ASIC2: variants seen among roughly 807,000 people sequenced by gnomAD.
The protein encoded by ASIC2 is acid sensing ion channel subunit 2.
A neutral mutation model predicts 57.3 loss-of-function variants in ASIC2; 25 were observed. The ratio of observed to expected loss-of-function variants is 0.44; its 90% CI spans 0.32 to 0.61. The LOEUF (loss-of-function observed/expected upper bound fraction) is 0.61. Among genes scored for constraint, ASIC2 ranks in the 20% least tolerant of loss-of-function variants. The pLI is 0.06. For synonymous variants in ASIC2, 319 were observed against 307.5 expected, an observed-to-expected ratio of 1.04 and a Z score of -0.39; for missense variants, 641 against 738.1, an observed-to-expected ratio of 0.87 and a Z score of 1.52.
At chr17:33,740,432 CA>C in intron 1 of ASIC2, among the ~76,000 whole-genome samples, 1 of 152,038 alleles carries the variant, frequency 6.6e-6, no homozygotes, top group Non-Finnish European at 1.5e-5. Flanking sequence ...AAGTGCTGAG[CA>C]AAAAGGGGAA....
At chr17:33,747,067 T>C (rs933389889) in intron 1 of ASIC2, among the ~76,000 whole-genome samples, 2 of 152,156 alleles carry the variant, frequency 1.3e-5, no homozygotes, top group Non-Finnish European at 2.9e-5. Flanking sequence ...ATAATCCCTG[T>C]TCAGCCTGTC....
intron 1 of ASIC2, among the ~76,000 whole-genome samples, chr17:34,113,676 A>C (rs1264791280): frequency 6.6e-6 from 1 of 151,960 alleles, no homozygotes; most frequent in African/African-American, 2.4e-5. Context: ...TCAGGAGTTC[A>C]AGCACAGCTT....
At chr17:33,063,488 C>G (rs1238664949) in intron 3 of ASIC2, among the ~76,000 whole-genome samples, 2 of 151,950 alleles carry the variant, frequency 1.3e-5, no homozygotes, top group Non-Finnish European at 2.9e-5. Flanking sequence ...TGAATATTGG[C>G]CCCCCCTCTC....
At chr17:33,813,341 G>A (rs544504021) in intron 1 of ASIC2, among the ~76,000 whole-genome samples, 4 of 152,212 alleles carry the variant, frequency 2.6e-5, no homozygotes, top group African/African-American at 7.2e-5. Flanking sequence ...GTCCTCAACC[G>A]CACTCAAGGT....
intron 1 of ASIC2, among the ~76,000 whole-genome samples, chr17:33,777,835 C>T (rs1303370075): frequency 1.3e-5 from 2 of 152,196 alleles, no homozygotes; most frequent in Non-Finnish European, 2.9e-5. Flanking sequence ...GCACCAAGTG[C>T]TTCTCTCCTT....
chr17:34,081,143 C>T (rs556048802), intron 1 of ASIC2, among the ~76,000 whole-genome samples: 1 of 152,092 alleles, frequency 6.6e-6, no homozygotes, highest in Non-Finnish European at 1.5e-5. Flanking sequence ...CACTGAAACC[C>T]CCTGGGGCTT....
intron 1 of ASIC2, among the ~76,000 whole-genome samples, chr17:33,736,783 G>A (rs997518947): frequency 2.0e-5 from 3 of 148,180 alleles, no homozygotes; most frequent in African/African-American, 7.4e-5. Flanking sequence ...ATGGAAACAT[G>A]TACAACTGTG....
intron 1 of ASIC2, among the ~76,000 whole-genome samples, chr17:33,622,393 A>AG (rs1451703829): frequency 6.6e-6 from 1 of 152,196 alleles, no homozygotes; most frequent in Non-Finnish European, 1.5e-5. Flanking sequence ...TTTTAAAAAA[A>AG]GACACACACA....
chr17:33,115,821 A>T (rs544967675), intron 1 of ASIC2, among the ~76,000 whole-genome samples: 3 of 152,328 alleles, frequency 2.0e-5, no homozygotes, highest in East Asian at 1.9e-4. Context: ...GAGGGCAGGA[A>T]CTGTGTCTGT....
chr17:33,963,088 T>C (rs193097469), intron 1 of ASIC2, among the ~76,000 whole-genome samples: 143 of 152,276 alleles, frequency 9.4e-4, no homozygotes, highest in African/African-American at 3.2e-3. Flanking sequence ...GATAAGAACA[T>C]TGAGATCTAG....
chr17:33,737,144 G>A (rs1044059313), intron 1 of ASIC2, among the ~76,000 whole-genome samples: 2 of 152,224 alleles, frequency 1.3e-5, no homozygotes, highest in African/African-American at 4.8e-5. Flanking sequence ...AACTCCCCCT[G>A]CTCCACGCCT....
intron 1 of ASIC2, among the ~76,000 whole-genome samples, chr17:33,285,090 G>A (rs1905091827): frequency 6.6e-6 from 1 of 152,172 alleles, no homozygotes; most frequent in South Asian, 2.1e-4. Context: ...AATCACTTAG[G>A]AGAATGAAGG....
chr17:33,086,637 A>T (rs997324323), intron 3 of ASIC2, among the ~76,000 whole-genome samples: 1 of 152,156 alleles, frequency 6.6e-6, no homozygotes, highest in Non-Finnish European at 1.5e-5. Context: ...GAAGACTTGA[A>T]CAAACACTAT....
chr17:33,478,405 C>T (rs1913297902), intron 1 of ASIC2, among the ~76,000 whole-genome samples: 2 of 152,248 alleles, frequency 1.3e-5, no homozygotes, highest in Admixed American at 1.3e-4. Flanking sequence ...CCGTAAATAG[C>T]ACAGAGGTCT....
chr17:34,099,142 GAGAC>G (rs1300118117), intron 1 of ASIC2, among the ~76,000 whole-genome samples: 5 of 20,832 alleles, frequency 2.4e-4, no homozygotes, highest in African/African-American at 2.3e-4. Context: ...GAGAGAGAGA[GAGAC>G]AGAGAGAGAG....
chr17:34,079,706 C>G lies in ASIC2; in HGVS notation c.555+76272G>C, dbSNP rs183514290. On this transcript the variant is annotated intron_variant, in intron 1 of 9. Transcript: ENST00000359872. Reference sequence around the variant, plus strand: ...TTGGCACTAGAATGAGGTGAGTGAGCCACCCAGGGTGCAGAATTTAAGGAA... The same window carrying G: ...TTGGCACTAGAATGAGGTGAGTGAGGCACCCAGGGTGCAGAATTTAAGGAA... 8.5e-5 allele frequency among the ~76,000 whole-genome samples: 13 copies of G among 152,308 alleles called. No individual in the cohort carries two copies. The East Asian group carries it at 2.5e-3, about 29-fold the overall frequency.
chr17:33,707,572 T>A (rs920144329), intron 1 of ASIC2, among the ~76,000 whole-genome samples: 3 of 152,220 alleles, frequency 2.0e-5, no homozygotes, highest in Non-Finnish European at 4.4e-5. Context: ...TTAAAAATCA[T>A]GTAATTCTTG....
intron 1 of ASIC2, among the ~76,000 whole-genome samples, chr17:34,113,603 C>T (rs1434834562): frequency 2.0e-5 from 3 of 151,026 alleles, no homozygotes; most frequent in Non-Finnish European, 2.9e-5. Flanking sequence ...TTAAGCCAGG[C>T]GTGGTGACTC....
rs150933040 is a variant in ASIC2 at position 34,154,903 on chromosome 17, G to A, written c.555+1075C>T. Reference sequence around the variant, plus strand: ...ACCCAGACGTGCCTGGCAGCAAACAGTAGTCAGCAGCTGCTGTATGACCTA... The same window carrying A: ...ACCCAGACGTGCCTGGCAGCAAACAATAGTCAGCAGCTGCTGTATGACCTA... On this transcript the variant is annotated intron_variant, in intron 1 of 9. Coordinates refer to the ASIC2 transcript ENST00000359872. Among the ~76,000 whole-genome samples the A allele has an allele frequency of 5.9e-5, 9 of 152,194 alleles. No homozygotes were observed. The East Asian group carries it at 1.7e-3, about 29-fold the overall frequency.
Sources: allele counts gnomAD v4.1 joint callset (sites outside exome capture counted in the v4.1 genomes callset), GRCh38; gene constraint gnomAD v4.1.1; transcripts MANE v1.5; gene names NCBI Gene and HGNC (gene_info 2026-07-23, HGNC 2026-07-21).